MICAL2: variants seen among roughly 807,000 people sequenced by gnomAD.
The protein encoded by MICAL2 is [F-actin]-monooxygenase MICAL2.
A neutral mutation model predicts 127.3 loss-of-function variants in MICAL2; 77 were observed. The ratio of observed to expected loss-of-function variants is 0.60; its 90% CI spans 0.50 to 0.73. The LOEUF is 0.73. MICAL2 is among the 30% of genes least tolerant of loss of function. The pLI is 0.00. For missense variants in MICAL2, 1,351 were observed against 1,434.4 expected, an observed-to-expected ratio of 0.94 and a Z score of 0.94; for synonymous variants, 570 against 551.1, an observed-to-expected ratio of 1.03 and a Z score of -0.48.
chr11:12,303,917 G>C (rs1221695731), intron 29 of MICAL2: 1 of 152,118 alleles, frequency 6.6e-6, no homozygotes, highest in East Asian at 1.9e-4. Context: ...CATGCTCATA[G>C]TCCCACCTAC....
At position 12,207,790 on chromosome 11, in the gene MICAL2, T is replaced by C. The variant is rs1854914454; in HGVS notation, c.473-233T>C. Reference sequence around the variant, plus strand: ...CCTTGAGCAAGTCATTTAACTTTGTTAAGCCTCAATTTCTCATCTACAGAA... The same window carrying C: ...CCTTGAGCAAGTCATTTAACTTTGTCAAGCCTCAATTTCTCATCTACAGAA... On this transcript the variant is annotated intron_variant, in intron 4 of 27. Coordinates refer to ENST00000683283, the MANE Select transcript of MICAL2 (RefSeq NM_001282663.2). 3 of 444,336 alleles carry C rather than the reference T, an allele frequency of 6.8e-6. No individual in the cohort carries two copies. The South Asian group carries it at 1.2e-4, about 18-fold the overall frequency. The allele number at this position is 444,336 out of a possible 1,614,324, so 27.5% of individuals were successfully genotyped here.
chr11:12,157,400 A>G (rs1421972495), intron 2 of MICAL2, among the ~76,000 whole-genome samples: 1 of 152,102 alleles, frequency 6.6e-6, no homozygotes, highest in Non-Finnish European at 1.5e-5. Flanking sequence ...CTTAATTATA[A>G]TTTTTAGCAG....
chr11:12,321,237 T>C (rs1025406067), intron 30 of MICAL2, among the ~76,000 whole-genome samples: 1 of 152,106 alleles, frequency 6.6e-6, no homozygotes, highest in African/African-American at 2.4e-5. Context: ...TGGCCCACTC[T>C]TACACTAAGG....
At chr11:12,124,930 C>T (rs907488835) in intron 1 of MICAL2, among the ~76,000 whole-genome samples, 5 of 152,222 alleles carry the variant, frequency 3.3e-5, no homozygotes, top group African/African-American at 4.8e-5. Flanking sequence ...TTCCTGTGTC[C>T]TTCTGGTCAC....
At chr11:12,149,531 C>T (rs1018813584) in intron 2 of MICAL2, among the ~76,000 whole-genome samples, 1 of 152,022 alleles carries the variant, frequency 6.6e-6, no homozygotes, top group Non-Finnish European at 1.5e-5. Flanking sequence ...CAGGTGGAGA[C>T]CTGACCCTCC....
chr11:12,292,154 G>A (rs1565295559), downstream of MICAL2: 1 of 1,613,804 alleles, frequency 6.2e-7, no homozygotes, highest in Admixed American at 1.7e-5. Context: ...TTTGACGCCA[G>A]TGAACAAAAG....
intron 21 of MICAL2, among the ~76,000 whole-genome samples, chr11:12,246,033 C>T (rs1860695486): frequency 6.6e-6 from 1 of 152,252 alleles, no homozygotes; most frequent in Admixed American, 6.5e-5. Flanking sequence ...CTTCTCTTGT[C>T]CCTGCCTTTC....
At chr11:12,258,220 A>G (rs1309340837) in intron 24 of MICAL2, among the ~76,000 whole-genome samples, 7 of 152,128 alleles carry the variant, frequency 4.6e-5, no homozygotes, top group Non-Finnish European at 8.8e-5. Flanking sequence ...TGAAGGTCTT[A>G]GCCACATCCC....
intron 2 of MICAL2, among the ~76,000 whole-genome samples, chr11:12,146,718 A>G (rs186989221): frequency 1.2e-4 from 18 of 152,332 alleles, no homozygotes; most frequent in East Asian, 5.8e-4. Flanking sequence ...CTGGGTATAT[A>G]CCCAAAGGAT....
intron 3 of MICAL2, chr11:12,197,895 A>G (rs1032152): frequency 0.065 from 9,925 of 152,294 alleles, 811 homozygotes; most frequent in East Asian, 0.42. Context: ...TGGTTTTTTT[A>G]GGGAACGTAC....
At chr11:12,288,046 C>CAGT (rs371092530), downstream of MICAL2, among the ~76,000 whole-genome samples, 443 of 152,318 alleles carry the variant, frequency 2.9e-3, 2 homozygotes, top group African/African-American at 0.01. Context: ...GGCTCCCAGC[C>CAGT]AGTGAGTCAT....
intron 1 of MICAL2, among the ~76,000 whole-genome samples, chr11:12,114,904 T>C (rs1258385947): frequency 3.3e-5 from 5 of 152,152 alleles, no homozygotes; most frequent in African/African-American, 9.7e-5. Context: ...CCTCCACAGG[T>C]CACACGTGGG....
intron 15 of MICAL2, 25 bp from the exon 16 acceptor site, chr11:12,236,152 C>T (rs1292322357): frequency 6.2e-7 from 1 of 1,611,058 alleles, no homozygotes; most frequent in South Asian, 1.1e-5. Context: ...CCCCAGAGCT[C>T]ACCCTGCTTT....
intron 10 of MICAL2, among the ~76,000 whole-genome samples, chr11:12,222,241 G>A (rs942495776): frequency 5.3e-5 from 8 of 152,272 alleles, no homozygotes; most frequent in East Asian, 1.9e-4. Context: ...CAGGGCTGGC[G>A]GGCGGAGGCA....
rs533694649 is a variant in MICAL2 at position 12,240,933 on chromosome 11, C to T, written c.2215-107C>T. On this transcript the variant is annotated intron_variant, in intron 17 of 27. Coordinates refer to ENST00000683283, the MANE Select transcript of MICAL2 (RefSeq NM_001282663.2). ...GTGCTTCCTCTGCACTTGCAACCTT[C>T]GTCTCCCTGCTCCTCTTCTCTTCTC... 526 of 1,426,258 alleles carry T rather than the reference C, an allele frequency of 3.7e-4. 1 individual carries two copies. The highest frequency in any genetic ancestry group is 1.5e-3 in the Middle Eastern group (8 of 5,466). The allele number at this position is 1,426,258 out of a possible 1,614,324, so 88.4% of individuals were successfully genotyped here.
chr11:12,180,430 G>A (rs1223716027), intron 3 of MICAL2, among the ~76,000 whole-genome samples: 1 of 151,846 alleles, frequency 6.6e-6, no homozygotes, highest in Non-Finnish European at 1.5e-5. Context: ...GGCCACAGGT[G>A]TGGGTGACAC....
chr11:12,357,863 T>C (rs979708812), intron 34 of MICAL2, among the ~76,000 whole-genome samples: 1 of 152,048 alleles, frequency 6.6e-6, no homozygotes, highest in African/African-American at 2.4e-5. Flanking sequence ...AAAAAAAAGA[T>C]TGTGGTCATT....
intron 34 of MICAL2, among the ~76,000 whole-genome samples, chr11:12,355,447 T>C (rs1589925480): frequency 1.3e-5 from 2 of 152,284 alleles, no homozygotes; most frequent in Admixed American, 1.3e-4. Context: ...CTGTATGCAT[T>C]TATTAGTTCC....
intron 15 of MICAL2, among the ~76,000 whole-genome samples, chr11:12,234,159 T>C (rs1858699662): frequency 6.6e-6 from 1 of 152,198 alleles, no homozygotes; most frequent in South Asian, 2.1e-4. Flanking sequence ...GGAATGCCCT[T>C]CATAAGCCCA....
Sources: allele counts gnomAD v4.1 joint callset (sites outside exome capture counted in the v4.1 genomes callset), GRCh38; gene constraint gnomAD v4.1.1; transcripts MANE v1.5; gene names NCBI Gene and HGNC (gene_info 2026-07-23, HGNC 2026-07-21).